KCNN3: variants seen among roughly 807,000 people sequenced by gnomAD.
KCNN3 encodes the protein potassium calcium-activated channel subfamily N member 3.
In KCNN3, 16 loss-of-function variants were observed where a neutral mutation model predicts 62.9. The ratio of observed to expected loss-of-function variants is 0.25; its 90% CI spans 0.17 to 0.39. KCNN3 has a LOEUF of 0.39. KCNN3 is among the 10% of genes least tolerant of loss of function. KCNN3 has a pLI of 1.00. For synonymous variants in KCNN3, 370 were observed against 389.2 expected, an observed-to-expected ratio of 0.95 and a Z score of 0.58; for missense variants, 599 against 949.4, an observed-to-expected ratio of 0.63 and a Z score of 4.85.
chr1:154,771,190 C>T (rs1000521858), intron 3 of KCNN3, among the ~76,000 whole-genome samples: 3 of 152,128 alleles, frequency 2.0e-5, no homozygotes, highest in African/African-American at 7.2e-5. Context: ...GGCTTCAGTC[C>T]TGCCCTTGAG....
At position 154,870,125 on chromosome 1, in the gene KCNN3, G is replaced by A. The variant is rs756885616; in HGVS notation, c.-161C>T. The A allele has an allele frequency of 3.6e-6, 3 of 823,172 alleles. No individual in the cohort carries two copies. 51.0% of individuals were successfully genotyped at this position (823,172 alleles called of 1,614,324 possible). A position where few individuals can be genotyped will look rare whatever the true frequency, so the allele number is the denominator to read the frequency against. On this transcript the variant is annotated 5_prime_UTR_variant, in exon 1 of 8. Transcript: ENST00000271915. ...CTTCGGTTCTCTGGGGCTGCCTGGA[G>A]TCCAGACGCTGCCACTCAAGAATGC...
At chr1:154,790,177 C>A (rs149223411) in intron 2 of KCNN3, among the ~76,000 whole-genome samples, 28 of 152,104 alleles carry the variant, frequency 1.8e-4, no homozygotes, top group Admixed American at 3.3e-4. Context: ...GTGATCTGCC[C>A]GCCTCGGCCT....
At chr1:154,751,700 C>T (rs1228577898) in intron 3 of KCNN3, among the ~76,000 whole-genome samples, 2 of 152,292 alleles carry the variant, frequency 1.3e-5, no homozygotes, top group Non-Finnish European at 2.9e-5. Flanking sequence ...CTCCCCATGA[C>T]CCCAGAGAAG....
intron 3 of KCNN3, among the ~76,000 whole-genome samples, chr1:154,758,362 C>T (rs1162612088): frequency 6.6e-6 from 1 of 152,172 alleles, no homozygotes; most frequent in Admixed American, 6.5e-5. Context: ...TAGGTGTTTT[C>T]CCCTTGGCTC....
At position 154,712,257 on chromosome 1, in the gene KCNN3, A is replaced by C. The variant is rs145766802; in HGVS notation, c.1899+1207T>G. 9.1e-4 allele frequency among the ~76,000 whole-genome samples: 138 copies of C among 152,262 alleles called. 1 individual carries two copies. The highest frequency in any genetic ancestry group is 7.3e-3 in the Admixed American group (111 of 15,292). On this transcript the variant is annotated intron_variant, in intron 7 of 7. Transcript: ENST00000271915. ...AATAGATTTCTCCATTTTTAAACCT[A>C]GTCCCAGCGGGTTTCTGATATTAAA...
intron 2 of KCNN3, among the ~76,000 whole-genome samples, chr1:154,798,293 TGCC>T (rs1255145468): frequency 3.9e-5 from 6 of 152,342 alleles, no homozygotes; most frequent in African/African-American, 1.4e-4. Context: ...CCAGGCCCTA[TGCC>T]AGGTGCTCTG....
At chr1:154,764,939 C>T (rs1365362810) in intron 3 of KCNN3, among the ~76,000 whole-genome samples, 2 of 152,178 alleles carry the variant, frequency 1.3e-5, no homozygotes, top group African/African-American at 2.4e-5. Context: ...CCAAGAATGA[C>T]TTTTGTTGCC....
intron 3 of KCNN3, among the ~76,000 whole-genome samples, chr1:154,770,510 G>T (rs1238370055): frequency 6.6e-6 from 1 of 152,206 alleles, no homozygotes; most frequent in Admixed American, 6.5e-5. Flanking sequence ...ATAATCGTAA[G>T]TGTTGACAAA....
chr1:154,737,888 C>T (rs1393195558), intron 3 of KCNN3, among the ~76,000 whole-genome samples: 1 of 152,160 alleles, frequency 6.6e-6, no homozygotes, highest in East Asian at 1.9e-4. Flanking sequence ...TGCCCCTGCA[C>T]TTCAGCCTGG....
chr1:154,766,416 T>TTATATATATATATATATATATATA (rs373253800), intron 3 of KCNN3, among the ~76,000 whole-genome samples: 878 of 71,536 alleles, frequency 0.012, 86 homozygotes, highest in Non-Finnish European at 0.015. Flanking sequence ...TAGCCAGGCT[T>TTATATATATATATATATATATATA]TATATATATA....
intron 3 of KCNN3, among the ~76,000 whole-genome samples, chr1:154,754,327 A>G (rs72700234): frequency 6.6e-6 from 1 of 152,272 alleles, no homozygotes; most frequent in Non-Finnish European, 1.5e-5. Context: ...TAAGAACCAT[A>G]GAGCTTGGTG....
chr1:154,785,952 A>G (rs762069346), intron 2 of KCNN3, among the ~76,000 whole-genome samples: 7 of 152,136 alleles, frequency 4.6e-5, no homozygotes, highest in Non-Finnish European at 8.8e-5. Context: ...ATAGCCCCAT[A>G]AGAAAAGTGA....
rs145451767 is a variant in KCNN3 at position 154,867,848 on chromosome 1, G to A, written c.933+1184C>T. 734 of 531,816 alleles carry A rather than the reference G, an allele frequency of 1.4e-3. 1 individual carries two copies. In the African/African-American group the frequency reaches 0.014, roughly 10 times the overall value. The allele number at this position is 531,816 out of a possible 1,614,324, so 32.9% of individuals were successfully genotyped here. A position where few individuals can be genotyped will look rare whatever the true frequency, so the allele number is the denominator to read the frequency against. ...ACACACACCAACAAATTGGGGGTGG[G>A]GGTATCGTGGAGCCACTTGTCCACC... On this transcript the variant is annotated intron_variant, in intron 1 of 7. Transcript: ENST00000271915.
rs148144529 is a variant in KCNN3, at chr1:154,809,039, GCTGTGCC to G, written c.1029+13043_1029+13049del. On this transcript the variant is annotated intron_variant, in intron 2 of 7. Transcript: ENST00000271915. This position sits in a 1 kb window ranked among gnomAD's most constrained non-coding sequence, Gnocchi z 4.3. ...TCTGGTTACTGATCTCTGGTTTGTG[GCTGTGCC>G]TGATGTAGTCACAGGTCAGTGGTCA... 6.8e-3 allele frequency among the ~76,000 whole-genome samples: 1,042 copies of G among 152,302 alleles called. 8 individuals carry two copies. Among genetic ancestry groups the G allele is most frequent in the African/African-American group, 0.024 (1,004 of 41,552 alleles).
At chr1:154,829,610 C>T (rs1435384058) in intron 1 of KCNN3, among the ~76,000 whole-genome samples, 2 of 152,184 alleles carry the variant, frequency 1.3e-5, no homozygotes, top group African/African-American at 4.8e-5. Context: ...AGGAGCCAGC[C>T]AGGCATCATG....
chr1:154,705,079 C>T lies in KCNN3; in HGVS notation c.*2897G>A, dbSNP rs1699941939. Reference sequence around the variant, plus strand: ...AGCCACCGCACCTGGCTATATATACCAGATTCTTGAGCAGATAATTAAACC... The same window carrying T: ...AGCCACCGCACCTGGCTATATATACTAGATTCTTGAGCAGATAATTAAACC... On this transcript the variant is annotated 3_prime_UTR_variant, in exon 8 of 8. Coordinates refer to ENST00000271915, the MANE Select transcript of KCNN3 (RefSeq NM_002249.6). 6.6e-6 allele frequency: 1 copy of T among 152,072 alleles called. No homozygotes were observed. The highest frequency in any genetic ancestry group is 2.4e-5 in the African/African-American group (1 of 41,392). 9.4% of individuals were successfully genotyped at this position (152,072 alleles called of 1,614,324 possible). A position where few individuals can be genotyped will look rare whatever the true frequency, so the allele number is the denominator to read the frequency against.
intron 3 of KCNN3, among the ~76,000 whole-genome samples, chr1:154,764,659 TCTC>T (rs1221160222): frequency 6.6e-6 from 1 of 152,196 alleles, no homozygotes; most frequent in African/African-American, 2.4e-5. Context: ...CTTCTAGCCT[TCTC>T]CTCTCAAATT....
At chr1:154,780,128 C>T (rs912173829) in intron 2 of KCNN3, among the ~76,000 whole-genome samples, 9 of 150,858 alleles carry the variant, frequency 6.0e-5, no homozygotes, top group East Asian at 2.0e-4. Flanking sequence ...TTCAGACTTG[C>T]GAGGCCTCCC....
chr1:154,822,057 G>A (rs781069262), intron 2 of KCNN3, 32 bp downstream of exon 2: 14 of 1,524,856 alleles, frequency 9.2e-6, no homozygotes, highest in East Asian at 2.2e-5. Flanking sequence ...AGGATCAGCC[G>A]CTGCATGAAG....
Sources: gnomAD v4.1 joint callset for allele counts (sites outside exome capture counted in the v4.1 genomes callset) on GRCh38, gnomAD v4.1.1 for gene constraint, Gnocchi (gnomAD v3.1) non-coding constraint, MANE v1.5 for transcripts, NCBI Gene and HGNC (gene_info 2026-07-23, HGNC 2026-07-21) for gene names.